The following ROBO3 variants were observed in gnomAD, a reference collection of about 807,000 sequenced individuals.
The protein encoded by ROBO3 is roundabout homolog 3.
Under a neutral mutation model 160.5 loss-of-function variants are expected in ROBO3, and 97 were observed. The observed-to-expected ratio is 0.60, with a 90% CI of 0.51 to 0.72. ROBO3 has a LOEUF of 0.72. ROBO3 is among the 30% of genes least tolerant of loss of function. The pLI is 0.00. For missense variants in ROBO3, 1,858 were observed against 1,846.5 expected, an observed-to-expected ratio of 1.01 and a Z score of -0.11; for synonymous variants, 780 against 746.2, an observed-to-expected ratio of 1.05 and a Z score of -0.74.
intron 20 of ROBO3, 104 bp from the exon 21 acceptor site, chr11:124,877,833 T>C (rs892781124): frequency 8.6e-7 from 1 of 1,158,014 alleles, no homozygotes; most frequent in Non-Finnish European, 1.3e-6. Flanking sequence ...GTAAGGCTTG[T>C]GTGGGGGAAG....
chr11:124,875,233 A>T lies in ROBO3; in HGVS notation c.2196A>T (p.Arg732Ser). The T allele has an allele frequency of 6.2e-7, 1 of 1,613,748 alleles. No individual in the cohort carries two copies. The highest frequency in any genetic ancestry group is 8.5e-7 in the Non-Finnish European group (1 of 1,179,840). Reference protein sequence around the residue: ...QSPSQQSTVLRGLPPGTQIQI... With the variant: ...QSPSQQSTVLSGLPPGTQIQI... ...CAAGCCAGCAAAGTACTGTGCTAAG[A>T]GGACTCCCTCCAGGGACCCAAATCC... The change falls in exon 14 of 28, where the codon AGA becomes AGT. Residue 732 changes from arginine to serine, a missense_variant. Transcript: ENST00000397801.
Position 124,880,417 on chromosome 11 carries a change from G to A in ROBO3, c.3959-1G>A. ...GGCTACCCTTCCCTCTTGTGCTGCA[G>A]AAGAGGCCTGGCTCCCATACAGCAG... On this transcript the variant is annotated splice_acceptor_variant, in intron 26 of 27. Coordinates refer to ENST00000397801, the MANE Select transcript of ROBO3 (RefSeq NM_022370.4). LOFTEE classifies it high-confidence loss of function. The A allele has an allele frequency of 3.1e-6, 5 of 1,613,278 alleles. No homozygotes were observed. Among genetic ancestry groups the A allele is most frequent in the Non-Finnish European group, 4.2e-6 (5 of 1,179,594 alleles).
At chr11:124,877,887 C>G (rs550916471) in intron 20 of ROBO3, 50 bp from the exon 21 acceptor site, 1 of 1,327,016 alleles carries the variant, frequency 7.5e-7, no homozygotes, top group South Asian at 1.2e-5. Flanking sequence ...ATTCTGTTGT[C>G]CTCTATGTTT....
At position 124,873,147 on chromosome 11, in the gene ROBO3, T is replaced by C. The variant is rs770956585; in HGVS notation, c.1536+58T>C. The C allele has an allele frequency of 2.6e-6, 4 of 1,553,318 alleles. No homozygotes were observed. Among genetic ancestry groups the C allele is most frequent in the Non-Finnish European group, 3.5e-6 (4 of 1,133,864 alleles). On this transcript the variant is annotated intron_variant, in intron 9 of 27. Transcript: ENST00000397801. This position sits in a 1 kb window ranked among gnomAD's most constrained non-coding sequence, Gnocchi z 4.5. Reference sequence around the variant, plus strand: ...GAATGGCTATCTGCTCCACGTTCCTTACACAAGTAAGTACTCACTGGGCCT... The same window carrying C: ...GAATGGCTATCTGCTCCACGTTCCTCACACAAGTAAGTACTCACTGGGCCT...
At position 124,869,429 on chromosome 11, in the gene ROBO3, G is replaced by GCGCCCCCCCCC; in HGVS notation, c.488-20_488-19insGCCCCCCCCCC. ...TGTCACTCTACACCCTGCTTATTTC[G>GCGCCCCCCCCC]CCCCCCACCGCCCCGCCCAGTCCTC... On this transcript the variant is annotated intron_variant, in intron 2 of 27. Coordinates refer to ENST00000397801, the MANE Select transcript of ROBO3 (RefSeq NM_022370.4). The surrounding 1 kb of genome is among the most constrained non-coding windows in gnomAD (Gnocchi z 4.2). 7.7e-7 allele frequency: 1 copy of GCGCCCCCCCCC among 1,295,752 alleles called. No individual in the cohort carries two copies. Among genetic ancestry groups the GCGCCCCCCCCC allele is most frequent in the Non-Finnish European group, 1.1e-6 (1 of 929,932 alleles). 80.3% of individuals were successfully genotyped at this position (1,295,752 alleles called of 1,614,324 possible).
Position 124,875,627 on chromosome 11 carries a change from C to T in ROBO3, c.2363C>T (p.Thr788Ile), listed in dbSNP as rs757104495. The change falls in exon 15 of 28, where the codon ACT becomes ATT. Residue 788 changes from threonine to isoleucine, a missense_variant. Coordinates refer to ENST00000397801, the MANE Select transcript of ROBO3 (RefSeq NM_022370.4). ...ALGGDGNSSI[T>I]VSWEPPLPSQ... The stretch of plus-strand genomic sequence containing the variant: ...GGGGGTGATGGCAACAGCAGTATCA[C>T]TGTGTCCTGGGAACCTCCACTCCCC... 7.4e-6 allele frequency: 12 copies of T among 1,611,460 alleles called. No individual in the cohort carries two copies. The South Asian group carries it at 1.3e-4, about 18-fold the overall frequency.
At chr11:124,879,675 C>T in intron 25 of ROBO3, 100 bp downstream of exon 25, 20 of 1,545,042 alleles carry the variant, frequency 1.3e-5, no homozygotes, top group Non-Finnish European at 1.8e-5. Flanking sequence ...AACAGGTGAA[C>T]CCCAATCTTG....
chr11:124,875,279 G>A lies in ROBO3; in HGVS notation c.2242G>A (p.Gly748Ser). 1 of 1,613,574 alleles carries A rather than the reference G, an allele frequency of 6.2e-7. No individual in the cohort carries two copies. Among genetic ancestry groups the A allele is most frequent in the Non-Finnish European group, 8.5e-7 (1 of 1,179,798 alleles). ...AATCCAGATCAAGGTGCAAGCCCAA[G>A]GCCAGGAGGGGCTGGGGGCTGAAAG... ...TQIQIKVQAQ[G>S]QEGLGAESLS... The change falls in exon 14 of 28, where the codon GGC (glycine) becomes AGC (serine). Residue 748 changes from glycine to serine, a missense_variant. Coordinates refer to ENST00000397801, the MANE Select transcript of ROBO3 (RefSeq NM_022370.4).
Position 124,881,258 on chromosome 11 carries a change from T to TG in ROBO3, c.*12dup, listed in dbSNP as rs750643680. On this transcript the variant is annotated 3_prime_UTR_variant, in exon 28 of 28. Transcript: ENST00000397801. ...CCCTAGGAACCAAGATGACCCTTGT[T>TG]GGGGCATTGAGAATATCATGAGTGC... 1.4e-5 allele frequency: 23 copies of TG among 1,603,420 alleles called. No individual in the cohort carries two copies. The highest frequency in any genetic ancestry group is 1.9e-5 in the Non-Finnish European group (22 of 1,174,764).
intron 27 of ROBO3, among the ~76,000 whole-genome samples, chr11:124,881,017 G>A (rs1946568485): frequency 6.6e-6 from 1 of 152,140 alleles, no homozygotes; most frequent in South Asian, 2.1e-4. Context: ...TCACACCACT[G>A]CTCTCCAGTC....
intron 13 of ROBO3, 73 bp downstream of exon 13, chr11:124,874,982 A>T (rs576905812): frequency 6.5e-7 from 1 of 1,549,158 alleles, no homozygotes; most frequent in African/African-American, 1.4e-5. Flanking sequence ...AAGAGTGAGT[A>T]TGGGAGAGTG....
intron 12 of ROBO3, 94 bp downstream of exon 12, chr11:124,874,330 G>A: frequency 8.5e-7 from 1 of 1,174,442 alleles, no homozygotes; most frequent in African/African-American, 1.5e-5. Flanking sequence ...AGTTCATACA[G>A]TTCTTTCCTG....
At chr11:124,877,902 C>A (rs1946437561) in intron 20 of ROBO3, 35 bp from the exon 21 acceptor site, 1 of 1,441,876 alleles carries the variant, frequency 6.9e-7, no homozygotes, top group Non-Finnish European at 9.6e-7. Context: ...ATGTTTCTGT[C>A]TCTGCTTCCG....
rs1946478235 is a variant in ROBO3, at chr11:124,878,856, A to ATGAC, written c.3533+63_3533+66dup. On this transcript the variant is annotated intron_variant, in intron 23 of 27. Coordinates refer to ENST00000397801, the MANE Select transcript of ROBO3 (RefSeq NM_022370.4). This position sits in a 1 kb window ranked among gnomAD's most constrained non-coding sequence, Gnocchi z 4.3. ...CCCTCTATACGTATCTACTCAGTAG[A>ATGAC]TGACTGGGTGGGTGGATGGATGGAT... 5 of 1,371,934 alleles carry ATGAC rather than the reference A, an allele frequency of 3.6e-6. No homozygotes were observed. In the East Asian group the frequency reaches 1.2e-4, roughly 32 times the overall value. The allele number at this position is 1,371,934 out of a possible 1,614,324, so 85.0% of individuals were successfully genotyped here.
rs1354620829 is a variant in ROBO3 at position 124,879,412 on chromosome 11, T to G, written c.3686-53T>G. 3.1e-6 allele frequency: 5 copies of G among 1,608,204 alleles called. No individual in the cohort carries two copies. The Admixed American group carries it at 8.4e-5, about 27-fold the overall frequency. On this transcript the variant is annotated intron_variant, in intron 24 of 27. Transcript: ENST00000397801. ...TTGCTTCCCCTTCACCCTTAGGCCTTTTTCCTGATTTTTGCCCTTACCCAT... is the reference window on the plus strand; with the variant it reads ...TTGCTTCCCCTTCACCCTTAGGCCTGTTTCCTGATTTTTGCCCTTACCCAT...
intron 1 of ROBO3, among the ~76,000 whole-genome samples, chr11:124,866,671 G>A (rs796633525): frequency 1.2e-4 from 19 of 152,304 alleles, no homozygotes; most frequent in African/African-American, 4.3e-4. Flanking sequence ...GAGCCCCAGA[G>A]CCTCATTAGC....
At chr11:124,879,724 G>A in intron 25 of ROBO3, 63 bp from the exon 26 acceptor site, 1 of 1,602,904 alleles carries the variant, frequency 6.2e-7, no homozygotes, top group Non-Finnish European at 8.5e-7. Flanking sequence ...AGGGAATGCA[G>A]GTGAGAGAAA....
intron 4 of ROBO3, 39 bp downstream of exon 4, chr11:124,870,107 C>T: frequency 6.2e-7 from 1 of 1,613,976 alleles, no homozygotes; most frequent in African/African-American, 1.3e-5. Context: ...GAACAGGTAG[C>T]CTGCAGAGTA....
Position 124,869,996 on chromosome 11 carries a change from G to A in ROBO3, c.694G>A (p.Gly232Ser). Residue 232 changes from glycine (G) to serine (S), a missense_variant, in exon 4 of 28, where the codon GGC becomes AGC. Gly to Ser is a moderately conservative substitution (Grantham distance 56). Transcript: ENST00000397801. The surrounding 1 kb of genome is among the most constrained non-coding windows in gnomAD (Gnocchi z 4.2). ...GTCACATACACTCAAGAGCGATGCA[G>A]GCATGTATGTGTGCGTAGCCTCCAA... ...MMSHTLKSDA[G>S]MYVCVASNMA... is the part of the protein sequence containing the mutation. The A allele has an allele frequency of 4.3e-6, 7 of 1,613,826 alleles. No individual in the cohort carries two copies. Among genetic ancestry groups the A allele is most frequent in the Non-Finnish European group, 5.9e-6 (7 of 1,179,782 alleles).
Sources: gnomAD v4.1 joint callset for allele counts (sites outside exome capture counted in the v4.1 genomes callset) on GRCh38, gnomAD v4.1.1 for gene constraint, Gnocchi (gnomAD v3.1) non-coding constraint, MANE v1.5 for transcripts, NCBI Gene and HGNC (gene_info 2026-07-23, HGNC 2026-07-21) for gene names.